The following SNTG2 variants were observed in gnomAD, a reference collection of about 807,000 sequenced individuals.
SNTG2 encodes the protein syntrophin gamma 2.
A neutral mutation model predicts 70.9 loss-of-function variants in SNTG2; 74 were observed. The ratio of observed to expected loss-of-function variants is 1.04; its 90% CI spans 0.86 to 1.27. The LOEUF is 1.27. SNTG2 is among the 50% of genes most tolerant of loss of function. SNTG2 has a pLI of 0.00. For missense variants in SNTG2, 717 were observed against 690.7 expected, an observed-to-expected ratio of 1.04 and a Z score of -0.43; for synonymous variants, 278 against 273.8, an observed-to-expected ratio of 1.02 and a Z score of -0.15.
intron 4 of SNTG2, among the ~76,000 whole-genome samples, chr2:1,124,864 G>T (rs1276131254): frequency 6.6e-6 from 1 of 152,128 alleles, no homozygotes; most frequent in Non-Finnish European, 1.5e-5. Context: ...GAGTTGAGAG[G>T]TCCAGTGCTC....
intron 6 of SNTG2, among the ~76,000 whole-genome samples, chr2:1,156,277 C>A (rs1669891305): frequency 6.6e-6 from 1 of 152,070 alleles, no homozygotes; most frequent in Non-Finnish European, 1.5e-5. Context: ...ATTCCTGTGG[C>A]CTTAGATAGA....
chr2:956,245 C>T (rs1363750265), intron 1 of SNTG2, among the ~76,000 whole-genome samples: 6 of 127,900 alleles, frequency 4.7e-5, no homozygotes, highest in Admixed American at 7.4e-5. Context: ...CCCTGCCCCG[C>T]CCCGCCCCTG....
chr2:1,275,216 C>T (rs1012774195), intron 14 of SNTG2, among the ~76,000 whole-genome samples: 4 of 152,234 alleles, frequency 2.6e-5, no homozygotes, highest in Non-Finnish European at 5.9e-5. Flanking sequence ...TTAAAGGCTC[C>T]ACCTCCCAAC....
intron 16 of SNTG2, among the ~76,000 whole-genome samples, chr2:1,337,987 T>G (rs937024314): frequency 5.3e-5 from 8 of 152,230 alleles, no homozygotes; most frequent in Non-Finnish European, 1.2e-4. Flanking sequence ...CGGACATTTC[T>G]GATTGAATCA....
At chr2:1,326,758 C>T (rs1237938618) in intron 16 of SNTG2, among the ~76,000 whole-genome samples, 5 of 152,196 alleles carry the variant, frequency 3.3e-5, no homozygotes, top group East Asian at 1.9e-4. Flanking sequence ...ATCTTATAAA[C>T]GAATCCATTT....
At chr2:1,347,015 A>T (rs1660324529) in intron 16 of SNTG2, among the ~76,000 whole-genome samples, 1 of 152,142 alleles carries the variant, frequency 6.6e-6, no homozygotes, top group Non-Finnish European at 1.5e-5. Flanking sequence ...ATTAAAAAAA[A>T]AATCTGTTCA....
chr2:970,659 A>G (rs1660708846), intron 1 of SNTG2, among the ~76,000 whole-genome samples: 1 of 146,258 alleles, frequency 6.8e-6, no homozygotes, highest in Admixed American at 6.9e-5. Context: ...TTCTTAATCC[A>G]GTCTATCATT....
rs1241897807 is a variant in SNTG2, at chr2:1,222,541, G to A, written c.719+13311G>A. ...GTCCTGCCTGCTGCTGGAGGTGCTG[G>A]ATCGCTGTAGAGGAAAGCGGTGCAG... On this transcript the variant is annotated intron_variant, in intron 9 of 16. Transcript: ENST00000308624. Among the ~76,000 whole-genome samples, 200 of 115,148 alleles carry A rather than the reference G, an allele frequency of 1.7e-3. 2 individuals carry two copies. The highest frequency in any genetic ancestry group is 4.0e-3 in the African/African-American group (112 of 27,678). The allele number at this position is 115,148 out of a possible 152,430, so 75.5% of individuals were successfully genotyped here. A position where few individuals can be genotyped will look rare whatever the true frequency, so the allele number is the denominator to read the frequency against.
chr2:1,073,798 A>C lies in SNTG2; in HGVS notation c.73-9720A>C, dbSNP rs905258890. On this transcript the variant is annotated intron_variant, in intron 1 of 16. Coordinates refer to ENST00000308624, the MANE Select transcript of SNTG2 (RefSeq NM_018968.4). ...TGTAATTGCTTTTGTGGTTAGGGTG[A>C]AGTTGCATGATGAAAACTTTGCATT... 1.2e-4 allele frequency among the ~76,000 whole-genome samples: 19 copies of C among 152,342 alleles called. 1 individual carries two copies. The South Asian group carries it at 3.9e-3, about 32-fold the overall frequency.
chr2:990,823 G>A (rs898228025), intron 1 of SNTG2, among the ~76,000 whole-genome samples: 24 of 151,124 alleles, frequency 1.6e-4, no homozygotes, highest in African/African-American at 2.7e-4. Flanking sequence ...TGGAAATGCC[G>A]TCCTAAGTCA....
chr2:982,549 C>G (rs1661140728), intron 1 of SNTG2, among the ~76,000 whole-genome samples: 1 of 152,144 alleles, frequency 6.6e-6, no homozygotes, highest in African/African-American at 2.4e-5. Flanking sequence ...GTTAGTAATG[C>G]ACTAATGTAA....
At chr2:1,184,880 A>G (rs963446855) in intron 8 of SNTG2, among the ~76,000 whole-genome samples, 1 of 152,164 alleles carries the variant, frequency 6.6e-6, no homozygotes, top group Non-Finnish European at 1.5e-5. Flanking sequence ...TTCCTCCTCA[A>G]CAGTCCCCCA....
chr2:1,350,913 G>C (rs1179104801), intron 16 of SNTG2, among the ~76,000 whole-genome samples: 1 of 151,852 alleles, frequency 6.6e-6, no homozygotes, highest in Non-Finnish European at 1.5e-5. Flanking sequence ...TTAATTATTT[G>C]TAAGACAAAA....
intron 9 of SNTG2, among the ~76,000 whole-genome samples, chr2:1,222,235 GT>G (rs758784695): frequency 2.0e-5 from 3 of 151,342 alleles, no homozygotes; most frequent in Non-Finnish European, 4.4e-5. Context: ...AGGATTATTC[GT>G]TTTTTTTCAT....
chr2:1,245,172 G>C (rs28652617), intron 11 of SNTG2, among the ~76,000 whole-genome samples: 1 of 147,752 alleles, frequency 6.8e-6, no homozygotes, highest in South Asian at 2.2e-4. Context: ...CCTAATGCTA[G>C]ATGACACGTT....
chr2:1,159,174 T>A (rs1670108310), intron 6 of SNTG2, among the ~76,000 whole-genome samples: 1 of 151,080 alleles, frequency 6.6e-6, no homozygotes, highest in Non-Finnish European at 1.5e-5. Flanking sequence ...CATGAGTGCG[T>A]ATGTGGAATT....
At chr2:1,030,810 T>A (rs1660774692) in intron 1 of SNTG2, among the ~76,000 whole-genome samples, 1 of 152,244 alleles carries the variant, frequency 6.6e-6, no homozygotes, top group African/African-American at 2.4e-5. Context: ...CCTTTTTTCC[T>A]GTTGACAAAG....
chr2:1,253,203 T>A (rs1677864143), intron 12 of SNTG2, among the ~76,000 whole-genome samples: 1 of 152,058 alleles, frequency 6.6e-6, no homozygotes, highest in Non-Finnish European at 1.5e-5. Flanking sequence ...GGAGCTCATA[T>A]AGGATGCTCA....
chr2:1,347,632 C>G (rs767577433), intron 16 of SNTG2, among the ~76,000 whole-genome samples: 7 of 152,232 alleles, frequency 4.6e-5, no homozygotes, highest in African/African-American at 1.7e-4. Flanking sequence ...ACTCCTTTCT[C>G]TCCTTGGCCA....
Sources: gnomAD v4.1 joint callset for allele counts (sites outside exome capture counted in the v4.1 genomes callset) on GRCh38, gnomAD v4.1.1 for gene constraint, MANE v1.5 for transcripts, NCBI Gene and HGNC (gene_info 2026-07-23, HGNC 2026-07-21) for gene names.